Variants in TGM6 observed in about 807,000 individuals in gnomAD.
TGM6 encodes protein-glutamine gamma-glutamyltransferase 6.
TGM6 carries 74 observed loss-of-function variants against 77.5 expected under a neutral mutation model. The observed-to-expected ratio is 0.96, with a 90% CI of 0.79 to 1.16. The LOEUF is 1.16. Among genes scored for constraint, TGM6 ranks in the 50% most tolerant of loss-of-function variants. TGM6 has a pLI of 0.00. For synonymous variants in TGM6, 383 were observed against 378.9 expected (o/e 1.01, Z -0.12); for missense variants, 968 against 940.2 (o/e 1.03, Z -0.39).
intron 9 of TGM6, among the ~76,000 whole-genome samples, chr20:2,412,235 A>G (rs768389116): frequency 3.3e-5 from 5 of 152,234 alleles, no homozygotes; most frequent in Admixed American, 6.5e-5. Context: ...CAGACATAAA[A>G]GAACAAATAT....
intron 1 of TGM6, among the ~76,000 whole-genome samples, chr20:2,388,349 C>T (rs562759929): frequency 8.5e-5 from 13 of 152,278 alleles, no homozygotes; most frequent in African/African-American, 2.6e-4. Flanking sequence ...GTGAAGCTCA[C>T]GTTGAATTTT....
chr20:2,418,903 C>T (rs75803080), intron 10 of TGM6, among the ~76,000 whole-genome samples: 2,167 of 152,116 alleles, frequency 0.014, 21 homozygotes, highest in Non-Finnish European at 0.022. Flanking sequence ...AGTGAAACCC[C>T]ATCTCTACTA....
intron 9 of TGM6, among the ~76,000 whole-genome samples, chr20:2,414,500 T>C (rs1160180676): frequency 2.0e-5 from 3 of 152,172 alleles, no homozygotes; most frequent in Non-Finnish European, 4.4e-5. Context: ...GAAAACACTT[T>C]GACAGTTTCT....
intron 9 of TGM6, among the ~76,000 whole-genome samples, chr20:2,406,925 T>C (rs975929114): frequency 6.7e-6 from 1 of 150,270 alleles, no homozygotes; most frequent in South Asian, 2.1e-4. Context: ...ACAATCACTG[T>C]TACTGAGCGC....
chr20:2,430,089 T>C (rs1355758360), intron 10 of TGM6, among the ~76,000 whole-genome samples: 1 of 152,154 alleles, frequency 6.6e-6, no homozygotes, highest in Non-Finnish European at 1.5e-5. Context: ...CAGAGAAGGA[T>C]GGGATGAATG....
intron 10 of TGM6, among the ~76,000 whole-genome samples, chr20:2,419,717 C>T (rs1242994446): frequency 6.6e-6 from 1 of 152,048 alleles, no homozygotes; most frequent in Admixed American, 6.6e-5. Flanking sequence ...TTATAAGCTC[C>T]TCACAAACAT....
chr20:2,417,449 C>T lies in TGM6; in HGVS notation c.1554C>T (p.Ala518=). Reference sequence around the variant, plus strand: ...ACCTGAGACTGGCCCTGTGCTTGGCCAACCTCACCTCCCGGGCCCAGCGGG... The same window carrying T: ...ACCTGAGACTGGCCCTGTGCTTGGCTAACCTCACCTCCCGGGCCCAGCGGG... ...GHDLRLALCL[A]NLTSRAQRVR... The change falls in exon 10 of 13, where the codon GCC becomes GCT. Residue 518 remains alanine (A), a synonymous_variant. Coordinates refer to ENST00000202625, the MANE Select transcript of TGM6 (RefSeq NM_198994.3). The T allele has an allele frequency of 1.2e-6, 2 of 1,612,036 alleles. No individual in the cohort carries two copies. The highest frequency in any genetic ancestry group is 1.7e-5 in the Admixed American group (1 of 60,016).
intron 10 of TGM6, among the ~76,000 whole-genome samples, chr20:2,425,724 T>C (rs1482271934): frequency 6.6e-6 from 1 of 152,196 alleles, no homozygotes; most frequent in African/African-American, 2.4e-5. Context: ...TAAAAAAATC[T>C]TAATTGATAT....
At chr20:2,402,816 C>A (rs34384547) in intron 7 of TGM6, among the ~76,000 whole-genome samples, 17,244 of 152,216 alleles carry the variant, frequency 0.11, 1,042 homozygotes, top group African/African-American at 0.15. Flanking sequence ...TACCTACCCC[C>A]TCTGCTGGCC....
chr20:2,424,735 C>A (rs765640393), intron 10 of TGM6, among the ~76,000 whole-genome samples: 1 of 152,172 alleles, frequency 6.6e-6, no homozygotes, highest in Non-Finnish European at 1.5e-5. Context: ...TAGCTTTTGG[C>A]CCATCTTGGC....
In TGM6 at chr20:2,425,914, A is replaced by G. The variant is rs190662634; in HGVS notation, c.1679-4532A>G. On this transcript the variant is annotated intron_variant, in intron 10 of 12. Coordinates refer to ENST00000202625, the MANE Select transcript of TGM6 (RefSeq NM_198994.3). ...AGAAAGGTACCATAAATCATTATTA[A>G]CTATAATTTCCCTACTGTGTTATGA... Among the ~76,000 whole-genome samples, 352 of 152,322 alleles carry G rather than the reference A, an allele frequency of 2.3e-3. 2 individuals carry two copies. Among genetic ancestry groups the G allele is most frequent in the South Asian group, 0.018 (89 of 4,826 alleles).
At chr20:2,399,842 G>T (rs1039267343) in intron 6 of TGM6, 104 bp downstream of exon 6, 1 of 1,046,160 alleles carries the variant, frequency 9.6e-7, no homozygotes, top group Non-Finnish European at 1.4e-6. Flanking sequence ...TTCATTGATG[G>T]ATTCATTGAC....
At chr20:2,416,153 C>T (rs1215808885) in intron 9 of TGM6, among the ~76,000 whole-genome samples, 1 of 152,176 alleles carries the variant, frequency 6.6e-6, no homozygotes, top group African/African-American at 2.4e-5. Flanking sequence ...AGCAAAGGTG[C>T]TGCTCCTTGT....
intron 2 of TGM6, 46 bp downstream of exon 2, chr20:2,394,671 A>T: frequency 6.4e-7 from 1 of 1,563,468 alleles, no homozygotes; most frequent in Non-Finnish European, 8.7e-7. Context: ...AGCTGGAGGG[A>T]CCTGTCTTAT....
Position 2,431,945 on chromosome 20 carries a change from G to T in TGM6, c.1968-545G>T, listed in dbSNP as rs116514970. Reference sequence around the variant, plus strand: ...GAACAGAGCAGATGAAAGCCCAGAGGGGGGAAGTTCAGGGCACAGACAGAA... The same window carrying T: ...GAACAGAGCAGATGAAAGCCCAGAGTGGGGAAGTTCAGGGCACAGACAGAA... On this transcript the variant is annotated intron_variant, in intron 12 of 12. Transcript: ENST00000202625. Among the ~76,000 whole-genome samples the T allele has an allele frequency of 7.5e-3, 1,145 of 152,354 alleles. 12 individuals carry two copies. Among genetic ancestry groups the T allele is most frequent in the African/African-American group, 0.026 (1,088 of 41,586 alleles).
intron 10 of TGM6, among the ~76,000 whole-genome samples, chr20:2,422,758 C>T (rs967340933): frequency 1.3e-5 from 2 of 151,582 alleles, no homozygotes; most frequent in Admixed American, 6.6e-5. Context: ...ATGGTGAAAC[C>T]CCATCTCTAC....
chr20:2,389,910 C>T (rs374378556), intron 1 of TGM6, among the ~76,000 whole-genome samples: 4 of 152,222 alleles, frequency 2.6e-5, no homozygotes, highest in African/African-American at 4.8e-5. Flanking sequence ...ATATGAATAA[C>T]GGCTGCTTCT....
At chr20:2,421,018 C>T (rs550103835) in intron 10 of TGM6, among the ~76,000 whole-genome samples, 7 of 151,760 alleles carry the variant, frequency 4.6e-5, no homozygotes, top group East Asian at 1.9e-4. Context: ...GACAGAGTCT[C>T]GCTCCGTCAC....
intron 9 of TGM6, among the ~76,000 whole-genome samples, chr20:2,406,233 C>A (rs1044936595): frequency 6.6e-6 from 1 of 152,142 alleles, no homozygotes; most frequent in African/African-American, 2.4e-5. Context: ...TCTGATAAGA[C>A]CTGCAGATTG....
Sources: allele counts gnomAD v4.1 joint callset (sites outside exome capture counted in the v4.1 genomes callset), GRCh38; gene constraint gnomAD v4.1.1; transcripts MANE v1.5; gene names NCBI Gene and HGNC (gene_info 2026-07-23, HGNC 2026-07-21).